Variants in GSK3B observed in about 807,000 individuals in gnomAD.
The protein encoded by GSK3B is glycogen synthase kinase 3 beta.
GSK3B carries 15 observed loss-of-function variants against 56.4 expected under a neutral mutation model. That is an observed-to-expected ratio of 0.27 (90% CI 0.18 to 0.41). The LOEUF is 0.41. Ranked by LOEUF, GSK3B falls within the 10% of genes least tolerant of loss-of-function variation. The pLI is 1.00. For synonymous variants in GSK3B, 181 were observed against 188.9 expected (o/e 0.96, Z 0.34); for missense variants, 300 against 513.4 (o/e 0.58, Z 4.02).
At chr3:119,889,625 G>A (rs1409178404) in intron 7 of GSK3B, among the ~76,000 whole-genome samples, 2 of 152,018 alleles carry the variant, frequency 1.3e-5, no homozygotes, top group East Asian at 1.9e-4. Flanking sequence ...GTAAAAGAGG[G>A]GGAAAAACAG....
chr3:119,951,439 C>T (rs374441055), intron 2 of GSK3B, among the ~76,000 whole-genome samples: 6 of 152,172 alleles, frequency 3.9e-5, no homozygotes, highest in African/African-American at 7.2e-5. Flanking sequence ...GGCTTGGTGG[C>T]GCATGCCTGT....
At chr3:119,963,625 C>CAAAAAAAAAAAA (rs774359104) in intron 2 of GSK3B, among the ~76,000 whole-genome samples, 35 of 78,412 alleles carry the variant, frequency 4.5e-4, no homozygotes, top group Middle Eastern at 8.6e-3. Flanking sequence ...TTCTTCCCCA[C>CAAAAAAAAAAAA]AAAAAAAAAA....
chr3:120,020,079 A>G (rs1057381466), intron 1 of GSK3B, among the ~76,000 whole-genome samples: 1 of 152,256 alleles, frequency 6.6e-6, no homozygotes, highest in African/African-American at 2.4e-5. Context: ...AGGAGGAGAT[A>G]TGCCTAAAAT....
intron 3 of GSK3B, among the ~76,000 whole-genome samples, chr3:119,926,218 C>T (rs75262356): frequency 2.0e-3 from 304 of 152,032 alleles, no homozygotes; most frequent in African/African-American, 6.4e-3. Context: ...TATACTAGAC[C>T]TCTGCCCTTA....
intron 2 of GSK3B, among the ~76,000 whole-genome samples, chr3:119,968,079 T>A (rs2057336110): frequency 6.6e-6 from 1 of 152,124 alleles, no homozygotes; most frequent in South Asian, 2.1e-4. Context: ...ATGGTCTCCA[T>A]CTCTTGACCC....
Position 119,835,725 on chromosome 3 carries a change from T to C in GSK3B, c.1195+7530A>G, listed in dbSNP as rs188259417. On this transcript the variant is annotated intron_variant, in intron 10 of 10. Coordinates refer to ENST00000264235, the MANE Select transcript of GSK3B (RefSeq NM_001146156.2). ...TTATGAAATTTAAAATCTATTTGGGTTAAGATAAAGAGAAAACAGGAAGAA... is the reference window on the plus strand; with the variant it reads ...TTATGAAATTTAAAATCTATTTGGGCTAAGATAAAGAGAAAACAGGAAGAA... 4.3e-3 allele frequency among the ~76,000 whole-genome samples: 648 copies of C among 152,142 alleles called. 8 individuals carry two copies. The highest frequency in any genetic ancestry group is 0.02 in the Middle Eastern group (6 of 294).
chr3:119,949,420 A>C (rs2057132266), intron 2 of GSK3B, among the ~76,000 whole-genome samples: 1 of 152,166 alleles, frequency 6.6e-6, no homozygotes, highest in Non-Finnish European at 1.5e-5. Context: ...AGGAAACAGC[A>C]CTGTGGTTAT....
intron 2 of GSK3B, among the ~76,000 whole-genome samples, chr3:119,976,761 C>T (rs1347621269): frequency 1.5e-5 from 2 of 130,666 alleles, no homozygotes; most frequent in Non-Finnish European, 3.1e-5. Context: ...CTGACCACTC[C>T]CCACAAAAAA....
chr3:120,017,309 A>C (rs1246173967), intron 1 of GSK3B, among the ~76,000 whole-genome samples: 1 of 152,220 alleles, frequency 6.6e-6, no homozygotes, highest in African/African-American at 2.4e-5. Flanking sequence ...CAGCCAGAAG[A>C]AAGCCAGAAA....
chr3:120,071,967 T>C (rs1576309801), intron 1 of GSK3B, among the ~76,000 whole-genome samples: 1 of 152,310 alleles, frequency 6.6e-6, no homozygotes, highest in African/African-American at 2.4e-5. Flanking sequence ...TATTTTTCCA[T>C]TAGTCTTCCA....
intron 1 of GSK3B, among the ~76,000 whole-genome samples, chr3:120,035,460 G>C (rs1276347183): frequency 6.6e-6 from 1 of 152,182 alleles, no homozygotes; most frequent in African/African-American, 2.4e-5. Flanking sequence ...ATTTCCATAT[G>C]AATTTTAGGA....
intron 1 of GSK3B, among the ~76,000 whole-genome samples, chr3:120,017,532 C>T (rs1454394450): frequency 6.6e-6 from 1 of 152,188 alleles, no homozygotes; most frequent in African/African-American, 2.4e-5. Context: ...GATATCTGCA[C>T]TCCTTAATCC....
chr3:120,092,515 G>A (rs1266689273), intron 1 of GSK3B, among the ~76,000 whole-genome samples: 1 of 152,188 alleles, frequency 6.6e-6, no homozygotes, highest in Non-Finnish European at 1.5e-5. Flanking sequence ...ATGAGCCAGT[G>A]ACAACATTTA....
intron 10 of GSK3B, among the ~76,000 whole-genome samples, chr3:119,828,156 G>A (rs1002534664): frequency 6.6e-6 from 1 of 152,140 alleles, no homozygotes; most frequent in Non-Finnish European, 1.5e-5. Flanking sequence ...AAATCTTGAC[G>A]TAGAACTTAC....
At chr3:120,021,401 A>G (rs1033556626) in intron 1 of GSK3B, among the ~76,000 whole-genome samples, 25 of 151,892 alleles carry the variant, frequency 1.6e-4, no homozygotes, top group Admixed American at 9.2e-4. Context: ...CTGTAATCCC[A>G]GCTACTCGGG....
At chr3:120,029,554 C>T in intron 1 of GSK3B, 1 of 602,792 alleles carries the variant, frequency 1.7e-6, no homozygotes, top group Non-Finnish European at 3.2e-6. Flanking sequence ...TCACTTGGTG[C>T]ATCTGGCACC....
Position 119,912,149 on chromosome 3 carries a change from C to T in GSK3B, c.715+555G>A, listed in dbSNP as rs78591810. Among the ~76,000 whole-genome samples the T allele has an allele frequency of 6.3e-3, 956 of 152,062 alleles. 12 individuals carry two copies. Among genetic ancestry groups the T allele is most frequent in the African/African-American group, 0.02 (816 of 41,480 alleles). ...GGCAACTGCAGAGTTATTAATTGGC[C>T]TAATTTCAATATTGTTGTCTCTCAG... On this transcript the variant is annotated intron_variant, in intron 6 of 10. Coordinates refer to ENST00000264235, the MANE Select transcript of GSK3B (RefSeq NM_001146156.2).
intron 1 of GSK3B, among the ~76,000 whole-genome samples, chr3:120,016,747 A>C (rs1310037882): frequency 6.6e-6 from 1 of 152,218 alleles, no homozygotes; most frequent in Non-Finnish European, 1.5e-5. Flanking sequence ...ATTTTACTTT[A>C]AACCAAACAA....
At chr3:119,981,899 T>A (rs1285517972) in intron 2 of GSK3B, among the ~76,000 whole-genome samples, 2 of 152,140 alleles carry the variant, frequency 1.3e-5, no homozygotes, top group Admixed American at 1.3e-4. Flanking sequence ...CACAAGTGGG[T>A]CCCTGACCCC....
Sources: allele counts gnomAD v4.1 joint callset (sites outside exome capture counted in the v4.1 genomes callset), GRCh38; gene constraint gnomAD v4.1.1; transcripts MANE v1.5; gene names NCBI Gene and HGNC (gene_info 2026-07-23, HGNC 2026-07-21).